Variants in NAA15 observed in about 807,000 individuals in gnomAD.
NAA15 encodes N-terminal acetyltransferase.
A neutral mutation model predicts 114.0 loss-of-function variants in NAA15; 34 were observed. The ratio of observed to expected loss-of-function variants is 0.30; its 90% CI spans 0.23 to 0.40. The LOEUF is 0.40. NAA15 is among the 10% of genes least tolerant of loss of function. The pLI, the probability that NAA15 is intolerant of heterozygous loss-of-function variation, is 1.00. For synonymous variants in NAA15, 340 were observed against 338.0 expected, an observed-to-expected ratio of 1.01 and a Z score of -0.06; for missense variants, 658 against 1,004.5, an observed-to-expected ratio of 0.66 and a Z score of 4.66.
intron 1 of NAA15, among the ~76,000 whole-genome samples, chr4:139,333,235 A>C (rs1037211321): frequency 1.3e-5 from 2 of 152,104 alleles, no homozygotes; most frequent in East Asian, 3.8e-4. Context: ...GCCTGACTGT[A>C]CTTGATTGAT....
chr4:139,326,532 TA>T (rs1746805684), intron 1 of NAA15, among the ~76,000 whole-genome samples: 1 of 152,218 alleles, frequency 6.6e-6, no homozygotes, highest in Admixed American at 6.5e-5. Flanking sequence ...AGAATTAAAG[TA>T]TAGAGTCACT....
intron 14 of NAA15, among the ~76,000 whole-genome samples, chr4:139,364,142 T>G (rs1748212518): frequency 6.6e-6 from 1 of 152,232 alleles, no homozygotes; most frequent in Non-Finnish European, 1.5e-5. Context: ...TCCCAAATTG[T>G]TGGGATTACA....
chr4:139,342,150 A>G (rs1285357792), intron 4 of NAA15, among the ~76,000 whole-genome samples: 1 of 152,080 alleles, frequency 6.6e-6, no homozygotes, highest in South Asian at 2.1e-4. Flanking sequence ...CTCTTTATGT[A>G]TGTTAACTCT....
intron 14 of NAA15, among the ~76,000 whole-genome samples, chr4:139,364,039 C>T (rs1407792137): frequency 2.0e-5 from 3 of 152,146 alleles, no homozygotes; most frequent in African/African-American, 4.8e-5. Flanking sequence ...TGCCACTGCA[C>T]CCAGCTAATT....
intron 11 of NAA15, among the ~76,000 whole-genome samples, chr4:139,358,316 C>T (rs569936103): frequency 2.5e-4 from 38 of 151,532 alleles, no homozygotes; most frequent in East Asian, 1.4e-3. Context: ...CCTCAGCCTC[C>T]GGAGTGGTAG....
chr4:139,309,862 T>A (rs754734668), intron 1 of NAA15, among the ~76,000 whole-genome samples: 2 of 152,214 alleles, frequency 1.3e-5, no homozygotes, highest in Non-Finnish European at 2.9e-5. Flanking sequence ...CTGAATTTAA[T>A]GTTCCATTTT....
chr4:139,371,677 A>G (rs1560978574), intron 15 of NAA15, among the ~76,000 whole-genome samples: 1 of 152,106 alleles, frequency 6.6e-6, no homozygotes, highest in Non-Finnish European at 1.5e-5. Context: ...CAGGGAAGCA[A>G]GAAAGCACAG....
At chr4:139,352,533 T>C (rs56402917) in intron 9 of NAA15, among the ~76,000 whole-genome samples, 40,341 of 152,068 alleles carry the variant, frequency 0.27, 5,676 homozygotes, top group African/African-American at 0.35. Flanking sequence ...ATGAGACATA[T>C]GAAACACTTT....
intron 1 of NAA15, among the ~76,000 whole-genome samples, chr4:139,312,811 A>G (rs957182803): frequency 2.6e-5 from 4 of 151,696 alleles, no homozygotes; most frequent in Non-Finnish European, 5.9e-5. Flanking sequence ...ATGCCACTGC[A>G]CTCCAGCCTG....
chr4:139,302,301 C>G (rs1745814234), intron 1 of NAA15: 1 of 157,690 alleles, frequency 6.3e-6, no homozygotes. Context: ...CTGTCCCTCC[C>G]TCTTCCTCCT....
intron 1 of NAA15, among the ~76,000 whole-genome samples, chr4:139,323,272 G>A (rs1319779019): frequency 6.6e-6 from 1 of 152,068 alleles, no homozygotes; most frequent in East Asian, 1.9e-4. Flanking sequence ...GGCCAGGCTG[G>A]TCTCGAACTC....
At chr4:139,350,123 A>T (rs1747729972) in intron 7 of NAA15, among the ~76,000 whole-genome samples, 1 of 152,164 alleles carries the variant, frequency 6.6e-6, no homozygotes, top group South Asian at 2.1e-4. Context: ...TTAGAAAAAA[A>T]TTCACAAATG....
At chr4:139,354,122 TA>T (rs1370903722) in intron 10 of NAA15, 24 bp downstream of exon 10, 2 of 1,572,326 alleles carry the variant, frequency 1.3e-6, no homozygotes, top group Non-Finnish European at 8.7e-7. Context: ...TTTTATGTTT[TA>T]AAAACATCTT....
intron 1 of NAA15, among the ~76,000 whole-genome samples, chr4:139,313,595 G>A (rs1746290876): frequency 6.7e-6 from 1 of 149,462 alleles, no homozygotes; most frequent in African/African-American, 2.5e-5. Context: ...AAGCTGGAGT[G>A]TAGTGGCCGC....
chr4:139,351,655 C>G (rs767687628), intron 9 of NAA15, 44 bp downstream of exon 9: 1 of 1,028,974 alleles, frequency 9.7e-7, no homozygotes, highest in South Asian at 1.3e-5. Flanking sequence ...CATTTCTTTG[C>G]TCGGTATTTG....
At chr4:139,323,720 C>T (rs1014030617) in intron 1 of NAA15, among the ~76,000 whole-genome samples, 1 of 152,182 alleles carries the variant, frequency 6.6e-6, no homozygotes, top group African/African-American at 2.4e-5. Flanking sequence ...TGCTTCTCTT[C>T]TGAAACGGTA....
At chr4:139,319,812 G>A (rs916366774) in intron 1 of NAA15, among the ~76,000 whole-genome samples, 9 of 152,206 alleles carry the variant, frequency 5.9e-5, no homozygotes, top group Non-Finnish European at 1.0e-4. Context: ...TGGTGCTGAT[G>A]CACTGTGCCT....
Position 139,341,070 on chromosome 4 carries a change from G to A in NAA15, c.402+1G>A. ...AATGCGAGATCTTGAGGGTTACAGG[G>A]TAAGTAAAATAGAGACTTTTTTTTT... is the stretch of plus-strand genomic sequence containing the variant. On this transcript the variant is annotated splice_donor_variant, in intron 4 of 19. Coordinates refer to ENST00000296543, the MANE Select transcript of NAA15 (RefSeq NM_057175.5). LOFTEE classifies it high-confidence loss of function. The A allele has an allele frequency of 1.3e-6, 2 of 1,536,896 alleles. No homozygotes were observed. The highest frequency in any genetic ancestry group is 1.4e-5 in the African/African-American group (1 of 71,468).
intron 6 of NAA15, among the ~76,000 whole-genome samples, chr4:139,347,153 AT>A (rs1484133055): frequency 5.3e-5 from 8 of 152,106 alleles, no homozygotes; most frequent in African/African-American, 1.9e-4. Context: ...CGCTGTTGAC[AT>A]TTTGGGCCTG....
Sources: gnomAD v4.1 joint callset for allele counts (sites outside exome capture counted in the v4.1 genomes callset) on GRCh38, gnomAD v4.1.1 for gene constraint, MANE v1.5 for transcripts, NCBI Gene and HGNC (gene_info 2026-07-23, HGNC 2026-07-21) for gene names.